SORCS2: variants seen among roughly 807,000 people sequenced by gnomAD.
The protein encoded by SORCS2 is sortilin related VPS10 domain containing receptor 2.
In SORCS2, 100 loss-of-function variants were observed where a neutral mutation model predicts 141.6. That is an observed-to-expected ratio of 0.71 (90% CI 0.60 to 0.83). The LOEUF (loss-of-function observed/expected upper bound fraction) is 0.83. Among genes scored for constraint, SORCS2 ranks in the 40% least tolerant of loss-of-function variants. The pLI is 0.00. For missense variants in SORCS2, 1,646 were observed against 1,560.2 expected (o/e 1.05, Z -0.93); for synonymous variants, 789 against 676.9 (o/e 1.17, Z -2.57).
intron 3 of SORCS2, among the ~76,000 whole-genome samples, chr4:7,604,210 G>A (rs1055473792): frequency 1.3e-5 from 2 of 152,184 alleles, no homozygotes; most frequent in East Asian, 3.9e-4. Context: ...TCTCAACCTG[G>A]AATCCCCACG....
intron 1 of SORCS2, among the ~76,000 whole-genome samples, chr4:7,330,132 T>C (rs1011332217): frequency 6.6e-6 from 1 of 151,800 alleles, no homozygotes; most frequent in African/African-American, 2.4e-5. Flanking sequence ...TTGCCGCCTG[T>C]CCTGGCTCCT....
intron 1 of SORCS2, among the ~76,000 whole-genome samples, chr4:7,304,106 A>G (rs1717626794): frequency 6.6e-6 from 1 of 152,234 alleles, no homozygotes; most frequent in African/African-American, 2.4e-5. Context: ...TGACGCCTAT[A>G]TGTGCCAGGC....
intron 1 of SORCS2, among the ~76,000 whole-genome samples, chr4:7,273,811 A>G (rs865993965): frequency 6.6e-6 from 1 of 152,190 alleles, no homozygotes; most frequent in Non-Finnish European, 1.5e-5. Context: ...CCCAGCTGGG[A>G]ATGGAGCTTG....
chr4:7,384,562 A>C (rs531519998), intron 1 of SORCS2, among the ~76,000 whole-genome samples: 1 of 151,918 alleles, frequency 6.6e-6, no homozygotes, highest in African/African-American at 2.4e-5. Flanking sequence ...GGTGTCAGTG[A>C]GGTGGCTTAA....
intron 3 of SORCS2, among the ~76,000 whole-genome samples, chr4:7,547,800 G>A (rs114680589): frequency 2.6e-5 from 4 of 152,206 alleles, no homozygotes; most frequent in Non-Finnish European, 5.9e-5. Flanking sequence ...ATGCACCCCA[G>A]GGCAGGAACT....
At chr4:7,433,474 C>A (rs768409521) in intron 2 of SORCS2, 4 of 1,574,282 alleles carry the variant, frequency 2.5e-6, no homozygotes, top group Non-Finnish European at 3.4e-6. Context: ...GGGGCCGTGG[C>A]AGGCCCCCAC....
intron 3 of SORCS2, among the ~76,000 whole-genome samples, chr4:7,578,619 CA>C (rs1368490142): frequency 1.3e-5 from 2 of 152,330 alleles, no homozygotes; most frequent in African/African-American, 4.8e-5. Context: ...TGTCTAATGG[CA>C]AACAAAGCCG....
At chr4:7,356,697 C>T (rs112387790) in intron 1 of SORCS2, among the ~76,000 whole-genome samples, 330 of 152,354 alleles carry the variant, frequency 2.2e-3, no homozygotes, top group Middle Eastern at 6.8e-3. Flanking sequence ...TCTGCAGCAG[C>T]CCCTCTCTGT....
chr4:7,602,513 C>T (rs1271701008), intron 3 of SORCS2, among the ~76,000 whole-genome samples: 6 of 144,282 alleles, frequency 4.2e-5, no homozygotes, highest in South Asian at 2.2e-4. Flanking sequence ...ACATCTCAGA[C>T]GATGGGCGGC....
intron 4 of SORCS2, among the ~76,000 whole-genome samples, chr4:7,649,982 T>C (rs1166438163): frequency 1.3e-5 from 2 of 152,146 alleles, no homozygotes; most frequent in African/African-American, 2.4e-5. Flanking sequence ...TCCTGGCGGC[T>C]ATTAGTGTGA....
intron 1 of SORCS2, among the ~76,000 whole-genome samples, chr4:7,211,375 CATTG>C (rs935595809): frequency 3.9e-5 from 6 of 152,092 alleles, no homozygotes; most frequent in African/African-American, 9.7e-5. Flanking sequence ...TTCAGGATAC[CATTG>C]ATTGATTGAT....
intron 1 of SORCS2, among the ~76,000 whole-genome samples, chr4:7,234,924 G>A (rs944245372): frequency 7.2e-5 from 11 of 152,240 alleles, no homozygotes; most frequent in East Asian, 1.9e-4. Context: ...GGAAGGCCTC[G>A]CCGAGGAGAC....
intron 3 of SORCS2, among the ~76,000 whole-genome samples, chr4:7,571,496 G>A (rs1346749410): frequency 6.6e-6 from 1 of 152,106 alleles, no homozygotes. Context: ...TAGACTCAGG[G>A]GATGAGATGA....
intron 2 of SORCS2, chr4:7,430,752 T>A (rs1394165576): frequency 6.6e-6 from 1 of 152,312 alleles, no homozygotes; most frequent in African/African-American, 2.4e-5. Flanking sequence ...GGCCAGCTGC[T>A]CTTCTCCTGG....
In SORCS2 at chr4:7,676,050, G is replaced by A; in HGVS notation, c.1162G>A (p.Asp388Asn). 6.3e-7 allele frequency: 1 copy of A among 1,578,254 alleles called. No individual in the cohort carries two copies. Among genetic ancestry groups the A allele is most frequent in the Non-Finnish European group, 8.6e-7 (1 of 1,161,124 alleles). The stretch of plus-strand genomic sequence containing the variant: ...CTGTGCTCCCTGCACATCCCCACAG[G>A]ATCTGCAGATCATCAGCACGGACGA... The part of the protein sequence containing the change: ...MKLPKYALPK[D>N]LQIISTDESQ... The change falls in exon 9 of 27, where the codon GAT becomes AAT. Residue 388 changes from aspartate (D) to asparagine (N), a missense_variant and splice_region_variant. By Grantham distance (23) the Asp-to-Asn change is conservative (BLOSUM62 1). Transcript: ENST00000507866.
At chr4:7,612,391 C>T (rs570068384) in intron 3 of SORCS2, among the ~76,000 whole-genome samples, 52 of 152,320 alleles carry the variant, frequency 3.4e-4, no homozygotes, top group Admixed American at 9.8e-4. Flanking sequence ...CCGTGCCCTC[C>T]GGCTGCCTGC....
chr4:7,545,904 C>T (rs1460899385), intron 3 of SORCS2, among the ~76,000 whole-genome samples: 1 of 152,202 alleles, frequency 6.6e-6, no homozygotes, highest in East Asian at 1.9e-4. Flanking sequence ...TTTGAAAGTC[C>T]AACATCAAGG....
In SORCS2 at chr4:7,724,181, G is replaced by A. The variant is rs554619162; in HGVS notation, c.2611+298G>A. ...GGTGGTGATGGTGGTGATGGTGATA[G>A]CAGTACTGGTGGTGGTGGTGATGGT... On this transcript the variant is annotated intron_variant, in intron 19 of 26. Coordinates refer to ENST00000507866, the MANE Select transcript of SORCS2 (RefSeq NM_020777.3). 5.4e-5 allele frequency among the ~76,000 whole-genome samples: 8 copies of A among 149,260 alleles called. No homozygotes were observed. In the East Asian group the frequency reaches 1.6e-3, roughly 30 times the overall value.
At chr4:7,444,419 A>T (rs1727865214) in intron 2 of SORCS2, among the ~76,000 whole-genome samples, 1 of 152,214 alleles carries the variant, frequency 6.6e-6, no homozygotes, top group African/African-American at 2.4e-5. Context: ...TGATTCAACA[A>T]AACATTTGAG....
Sources: gnomAD v4.1 joint callset for allele counts (sites outside exome capture counted in the v4.1 genomes callset) on GRCh38, gnomAD v4.1.1 for gene constraint, MANE v1.5 for transcripts, NCBI Gene and HGNC (gene_info 2026-07-23, HGNC 2026-07-21) for gene names.